EPHA6: variants seen among roughly 807,000 people sequenced by gnomAD.
EPHA6 encodes the protein ephrin type-A receptor 6.
EPHA6 carries 50 observed loss-of-function variants against 112.0 expected under a neutral mutation model. The ratio of observed to expected loss-of-function variants is 0.45; its 90% CI spans 0.36 to 0.56. EPHA6 has a LOEUF of 0.56. Among genes scored for constraint, EPHA6 ranks in the 20% least tolerant of loss-of-function variants. EPHA6 has a pLI of 0.00. For synonymous variants in EPHA6, 529 were observed against 490.7 expected (o/e 1.08, Z -1.03); for missense variants, 1,280 against 1,417.4 (o/e 0.90, Z 1.56).
intron 3 of EPHA6, among the ~76,000 whole-genome samples, chr3:97,018,466 T>A (rs1047960682): frequency 4.0e-5 from 6 of 151,750 alleles, no homozygotes; most frequent in African/African-American, 1.5e-4. Flanking sequence ...ATAAGGAGAG[T>A]GAGCCATCTC....
chr3:96,952,418 G>A (rs2041583525), intron 2 of EPHA6, among the ~76,000 whole-genome samples: 1 of 152,072 alleles, frequency 6.6e-6, no homozygotes, highest in Non-Finnish European at 1.5e-5. Flanking sequence ...CACAGGGCTA[G>A]GTTAGTTCTT....
intron 14 of EPHA6, among the ~76,000 whole-genome samples, chr3:97,680,686 C>T (rs1368588086): frequency 6.6e-6 from 1 of 152,112 alleles, no homozygotes; most frequent in East Asian, 1.9e-4. Flanking sequence ...AAACTAATGG[C>T]AGAGATCATA....
chr3:97,122,261 A>G (rs2048061589), intron 3 of EPHA6, among the ~76,000 whole-genome samples: 2 of 152,080 alleles, frequency 1.3e-5, no homozygotes, highest in African/African-American at 4.8e-5. Flanking sequence ...TATGGTATCA[A>G]CAATCGTTGT....
intron 12 of EPHA6, among the ~76,000 whole-genome samples, chr3:97,599,868 T>C (rs1428904266): frequency 1.3e-5 from 2 of 152,216 alleles, no homozygotes; most frequent in Non-Finnish European, 2.9e-5. Flanking sequence ...AGTATGGCCA[T>C]GTTCATGATA....
chr3:97,434,549 T>A (rs942757881), intron 6 of EPHA6, among the ~76,000 whole-genome samples: 1 of 152,046 alleles, frequency 6.6e-6, no homozygotes, highest in Non-Finnish European at 1.5e-5. Context: ...CATCAGCCAA[T>A]CTAGTGACAA....
At chr3:96,998,006 T>C (rs1035201146) in intron 3 of EPHA6, among the ~76,000 whole-genome samples, 16 of 152,156 alleles carry the variant, frequency 1.1e-4, no homozygotes, top group African/African-American at 3.9e-4. Flanking sequence ...CTTGAAATTA[T>C]AATTTTAGCA....
chr3:97,366,663 A>G (rs1428479191), intron 5 of EPHA6, among the ~76,000 whole-genome samples: 3 of 152,162 alleles, frequency 2.0e-5, no homozygotes, highest in Non-Finnish European at 4.4e-5. Context: ...AGGATAAGCA[A>G]TAATCAGACA....
intron 5 of EPHA6, among the ~76,000 whole-genome samples, chr3:97,276,041 A>G (rs115159223): frequency 0.026 from 3,918 of 152,216 alleles, 152 homozygotes; most frequent in African/African-American, 0.087. Flanking sequence ...GGGAGTTTTA[A>G]GAGGTTTAAA....
intron 10 of EPHA6, 147 bp from the exon 11 acceptor site, chr3:97,532,210 CT>C: frequency 1.5e-6 from 1 of 648,782 alleles, no homozygotes; most frequent in South Asian, 2.6e-5. Flanking sequence ...TCCTTATAAA[CT>C]TACTCTTTAA....
intron 1 of EPHA6, among the ~76,000 whole-genome samples, chr3:96,829,976 C>T (rs556883942): frequency 1.1e-3 from 170 of 151,738 alleles, no homozygotes; most frequent in African/African-American, 3.7e-3. Context: ...CACACACACA[C>T]ACACACACAC....
chr3:96,907,158 A>G (rs1252824479), intron 2 of EPHA6, among the ~76,000 whole-genome samples: 1 of 151,964 alleles, frequency 6.6e-6, no homozygotes, highest in African/African-American at 2.4e-5. Context: ...GATTTCTATT[A>G]TATCATTTTT....
At chr3:96,994,081 A>G in intron 3 of EPHA6, 1 of 210,780 alleles carries the variant, frequency 4.7e-6, no homozygotes, top group Non-Finnish European at 9.9e-6. Flanking sequence ...AATATTGTTA[A>G]GGCTTACCTG....
chr3:97,119,307 A>G (rs2108299084), intron 3 of EPHA6, among the ~76,000 whole-genome samples: 1 of 152,146 alleles, frequency 6.6e-6, no homozygotes, highest in East Asian at 1.9e-4. Context: ...GATCTAATGG[A>G]TATTTCTCTA....
chr3:97,435,120 AC>A (rs1423627862), intron 6 of EPHA6, among the ~76,000 whole-genome samples: 16 of 152,080 alleles, frequency 1.1e-4, no homozygotes, highest in Admixed American at 3.9e-4. Context: ...TCAGTCATAT[AC>A]TAGATCAGAT....
intron 3 of EPHA6, among the ~76,000 whole-genome samples, chr3:97,210,512 C>T (rs368886013): frequency 1.3e-5 from 2 of 152,080 alleles, no homozygotes; most frequent in Non-Finnish European, 2.9e-5. Context: ...GGTGAGGACA[C>T]GGAGCCAAAC....
At chr3:97,249,865 G>T (rs2079084762) in intron 5 of EPHA6, among the ~76,000 whole-genome samples, 1 of 152,146 alleles carries the variant, frequency 6.6e-6, no homozygotes, top group Admixed American at 6.5e-5. Flanking sequence ...GGCAAGAACT[G>T]TTCTGTGTTC....
At chr3:97,635,691 T>C (rs993153288) in intron 13 of EPHA6, among the ~76,000 whole-genome samples, 1 of 152,056 alleles carries the variant, frequency 6.6e-6, no homozygotes, top group African/African-American at 2.4e-5. Context: ...ATGGGCCTTT[T>C]CAGAGGGGAT....
intron 5 of EPHA6, among the ~76,000 whole-genome samples, chr3:97,391,681 G>A (rs2086408044): frequency 6.6e-6 from 1 of 151,866 alleles, no homozygotes; most frequent in South Asian, 2.1e-4. Context: ...GGAATAGAGA[G>A]TAAATGTTCT....
intron 1 of EPHA6, among the ~76,000 whole-genome samples, chr3:96,855,788 A>C (rs148470327): frequency 6.6e-6 from 1 of 152,296 alleles, no homozygotes; most frequent in East Asian, 1.9e-4. Context: ...GAGCAACTGA[A>C]GTAGAATAAA....
Sources: allele counts gnomAD v4.1 joint callset (sites outside exome capture counted in the v4.1 genomes callset), GRCh38; gene constraint gnomAD v4.1.1; transcripts MANE v1.5; gene names NCBI Gene and HGNC (gene_info 2026-07-23, HGNC 2026-07-21).